TLCD4: variants seen among roughly 807,000 people sequenced by gnomAD.
The protein encoded by TLCD4 is TLC domain containing 4.
A neutral mutation model predicts 24.2 loss-of-function variants in TLCD4; 7 were observed. The observed-to-expected ratio is 0.29, with a 90% confidence interval of 0.16 to 0.54. The LOEUF is 0.54. Among genes scored for constraint, TLCD4 ranks in the 20% least tolerant of loss-of-function variants. TLCD4 has a pLI of 0.95. For synonymous variants in TLCD4, 103 were observed against 106.4 expected, an observed-to-expected ratio of 0.97 and a Z score of 0.20; for missense variants, 259 against 313.9, an observed-to-expected ratio of 0.82 and a Z score of 1.32.
the TLCD4 span, among the ~76,000 whole-genome samples, chr1:95,103,798 T>C: frequency 6.6e-6 from 1 of 152,222 alleles, no homozygotes; most frequent in Non-Finnish European, 1.5e-5. Context: ...TTTACACAAT[T>C]GTTTTCAAAG....
chr1:95,165,723 C>T (rs376617187), intron 5 of TLCD4, among the ~76,000 whole-genome samples: 8 of 152,312 alleles, frequency 5.3e-5, no homozygotes, highest in African/African-American at 1.9e-4. Context: ...GCCTCGGCCT[C>T]CCAGAGTGCT....
chr1:95,105,711 C>T, the TLCD4 span, among the ~76,000 whole-genome samples: 1 of 151,728 alleles, frequency 6.6e-6, no homozygotes, highest in African/African-American at 2.4e-5. Flanking sequence ...CTGGCTAACA[C>T]GGTGAAACCC....
In TLCD4 at chr1:95,157,031, A is replaced by G. The variant is rs181957910; in HGVS notation, c.399+5612A>G. Among the ~76,000 whole-genome samples the G allele has an allele frequency of 4.6e-5, 7 of 152,282 alleles. No homozygotes were observed. The South Asian group carries it at 8.3e-4, about 18-fold the overall frequency. The stretch of plus-strand genomic sequence containing the variant: ...TGGAAATCAGTGGTTTCCAAAAGCA[A>G]TATTGGAAGCAATATTCCCTAAAAG... On this transcript the variant is annotated intron_variant, in intron 5 of 6. Coordinates refer to ENST00000370203, the MANE Select transcript of TLCD4 (RefSeq NM_152487.3).
intron 3 of TLCD4, among the ~76,000 whole-genome samples, chr1:95,149,548 A>C (rs1677437015): frequency 6.6e-6 from 1 of 152,192 alleles, no homozygotes; most frequent in African/African-American, 2.4e-5. Context: ...AATTATTCCC[A>C]GAAGAATAAT....
intron 1 of TLCD4, among the ~76,000 whole-genome samples, chr1:95,129,352 G>T (rs2100912614): frequency 6.6e-6 from 1 of 152,272 alleles, no homozygotes; most frequent in South Asian, 2.1e-4. Context: ...TCAAAGTTCA[G>T]TATTTTAGTC....
the TLCD4 span, among the ~76,000 whole-genome samples, chr1:95,097,729 C>A: frequency 6.7e-6 from 1 of 150,046 alleles, no homozygotes; most frequent in African/African-American, 2.5e-5. Context: ...GAGATGGTGT[C>A]GTAACTTTTA....
chr1:95,099,709 A>G, the TLCD4 span, among the ~76,000 whole-genome samples: 1 of 152,116 alleles, frequency 6.6e-6, no homozygotes, highest in African/African-American at 2.4e-5. Context: ...ACAATGATGT[A>G]ATGTTTATTG....
intron 5 of TLCD4, among the ~76,000 whole-genome samples, chr1:95,162,187 G>T (rs550899501): frequency 7.7e-4 from 117 of 152,218 alleles, no homozygotes; most frequent in African/African-American, 2.8e-3. Context: ...GGGTGCTCCT[G>T]TATTGGGTGC....
chr1:95,135,258 C>T (rs1308641509), intron 1 of TLCD4, among the ~76,000 whole-genome samples: 2 of 152,194 alleles, frequency 1.3e-5, no homozygotes, highest in Non-Finnish European at 2.9e-5. Flanking sequence ...GCAGACAACC[C>T]TCCCAGCTCT....
chr1:95,135,520 C>G (rs34136988), intron 1 of TLCD4, among the ~76,000 whole-genome samples: 5 of 151,622 alleles, frequency 3.3e-5, no homozygotes, highest in Non-Finnish European at 5.9e-5. Flanking sequence ...CCTTAGCCCC[C>G]TCAAGTAGCT....
chr1:95,130,760 T>A (rs182860811), intron 1 of TLCD4, among the ~76,000 whole-genome samples: 1 of 152,312 alleles, frequency 6.6e-6, no homozygotes, highest in African/African-American at 2.4e-5. Context: ...ACTTCTGCAG[T>A]TGATAAGAAT....
At chr1:95,181,776 C>T (rs144173026) in intron 6 of TLCD4, among the ~76,000 whole-genome samples, 44 of 151,968 alleles carry the variant, frequency 2.9e-4, no homozygotes, top group Non-Finnish European at 4.7e-4. Flanking sequence ...TATGCCACCA[C>T]GCCCGGCTAA....
At chr1:95,152,757 T>TA (rs1185189528) in intron 5 of TLCD4, among the ~76,000 whole-genome samples, 1 of 152,166 alleles carries the variant, frequency 6.6e-6, no homozygotes, top group African/African-American at 2.4e-5. Context: ...TTTTTCCTGA[T>TA]ACTCATCTTT....
the TLCD4 span, among the ~76,000 whole-genome samples, chr1:95,110,866 T>TAAAAAAAAAA: frequency 2.5e-5 from 3 of 119,564 alleles, no homozygotes. Context: ...AAAAGAAAAG[T>TAAAAAAAAAA]AAAAAAAAAA....
chr1:95,106,518 T>C, the TLCD4 span, among the ~76,000 whole-genome samples: 1 of 151,982 alleles, frequency 6.6e-6, no homozygotes, highest in South Asian at 2.1e-4. Context: ...CTGGGCGACA[T>C]GGTGAAATTC....
At chr1:95,095,363 C>T in the TLCD4 span, among the ~76,000 whole-genome samples, 4 of 152,064 alleles carry the variant, frequency 2.6e-5, no homozygotes, top group Non-Finnish European at 4.4e-5. Context: ...TTCTGTTTCT[C>T]GGCACATTAC....
At chr1:95,152,729 G>A (rs1677527267) in intron 5 of TLCD4, among the ~76,000 whole-genome samples, 1 of 152,036 alleles carries the variant, frequency 6.6e-6, no homozygotes, top group Admixed American at 6.6e-5. Context: ...ATATAGAGAG[G>A]TACAAATCCT....
At chr1:95,183,436 G>A (rs1252898732) in intron 6 of TLCD4, among the ~76,000 whole-genome samples, 1 of 152,188 alleles carries the variant, frequency 6.6e-6, no homozygotes, top group Non-Finnish European at 1.5e-5. Flanking sequence ...GAGCATCTGA[G>A]TGGAAATTTA....
chr1:95,161,332 G>A (rs983899343), intron 5 of TLCD4, among the ~76,000 whole-genome samples: 17 of 152,192 alleles, frequency 1.1e-4, no homozygotes, highest in African/African-American at 4.1e-4. Context: ...TTGCATGTCT[G>A]TGGGATCAGT....
Sources: allele counts gnomAD v4.1 joint callset (sites outside exome capture counted in the v4.1 genomes callset), GRCh38; gene constraint gnomAD v4.1.1; transcripts MANE v1.5; gene names NCBI Gene and HGNC (gene_info 2026-07-23, HGNC 2026-07-21).